Variants in COL25A1 observed in about 807,000 individuals in gnomAD.
COL25A1 encodes collagen type XXV alpha 1 chain, also known as collagen alpha-1(XXV) chain.
A neutral mutation model predicts 128.4 loss-of-function variants in COL25A1; 103 were observed. The observed-to-expected ratio is 0.80, with a 90% CI of 0.68 to 0.94. The LOEUF (loss-of-function observed/expected upper bound fraction) is 0.94. Ranked by LOEUF, COL25A1 falls within the 40% of genes least tolerant of loss-of-function variation. COL25A1 has a pLI of 0.00. For synonymous variants in COL25A1, 279 were observed against 277.2 expected, an observed-to-expected ratio of 1.01 and a Z score of -0.06; for missense variants, 745 against 840.0, an observed-to-expected ratio of 0.89 and a Z score of 1.40.
chr4:109,251,603 T>G (rs1422612284), intron 3 of COL25A1, among the ~76,000 whole-genome samples: 1 of 152,178 alleles, frequency 6.6e-6, no homozygotes, highest in African/African-American at 2.4e-5. Flanking sequence ...GCATGAGGAA[T>G]CTAAAGTGGC....
chr4:108,820,740 C>G (rs1452771676), intron 35 of COL25A1, among the ~76,000 whole-genome samples: 1 of 150,546 alleles, frequency 6.6e-6, no homozygotes, highest in Non-Finnish European at 1.5e-5. Flanking sequence ...AAAATCTGTT[C>G]AGGAGAGGAA....
chr4:108,834,113 A>G (rs753776605), intron 31 of COL25A1, among the ~76,000 whole-genome samples: 2 of 152,226 alleles, frequency 1.3e-5, no homozygotes, highest in Non-Finnish European at 2.9e-5. Flanking sequence ...CAAATTATCC[A>G]GACTTGAACA....
intron 3 of COL25A1, among the ~76,000 whole-genome samples, chr4:109,255,400 A>C (rs1781005440): frequency 6.6e-6 from 1 of 152,182 alleles, no homozygotes; most frequent in Non-Finnish European, 1.5e-5. Context: ...TGCAAAGCTC[A>C]CAGGCCTTGT....
At chr4:108,817,339 G>A (rs943371323) in intron 37 of COL25A1, 58 bp downstream of exon 37, 50 of 1,505,126 alleles carry the variant, frequency 3.3e-5, no homozygotes, top group Non-Finnish European at 4.5e-5. Context: ...GAAAAGGCTA[G>A]TCCAGGTTAA....
chr4:109,205,370 T>C (rs932362370), intron 3 of COL25A1, among the ~76,000 whole-genome samples: 2 of 152,132 alleles, frequency 1.3e-5, no homozygotes, highest in South Asian at 2.1e-4. Flanking sequence ...AAAGACTACG[T>C]TTCCCAGCCT....
intron 19 of COL25A1, among the ~76,000 whole-genome samples, chr4:108,877,045 AT>A (rs1739534091): frequency 6.6e-6 from 1 of 152,218 alleles, no homozygotes; most frequent in Non-Finnish European, 1.5e-5. Flanking sequence ...AATGCTATTA[AT>A]TCAGGATAAA....
chr4:109,221,446 TCA>T (rs1336511447), intron 3 of COL25A1, among the ~76,000 whole-genome samples: 1 of 152,178 alleles, frequency 6.6e-6, no homozygotes, highest in African/African-American at 2.4e-5. Context: ...ATGGATGAAA[TCA>T]CAGTTACTGT....
At chr4:108,852,198 T>C (rs1217233990) in intron 26 of COL25A1, 38 bp downstream of exon 26, 1 of 1,512,846 alleles carries the variant, frequency 6.6e-7, no homozygotes, top group Admixed American at 1.7e-5. Flanking sequence ...TTCCCTGCAC[T>C]GTATGTGATA....
chr4:109,230,126 G>A (rs1191210725), intron 3 of COL25A1, among the ~76,000 whole-genome samples: 3 of 152,064 alleles, frequency 2.0e-5, no homozygotes, highest in South Asian at 4.1e-4. Context: ...ACCTCCCACC[G>A]GGCCCCACCT....
At chr4:109,145,514 T>G (rs1410539758) in intron 3 of COL25A1, among the ~76,000 whole-genome samples, 1 of 152,178 alleles carries the variant, frequency 6.6e-6, no homozygotes, top group Non-Finnish European at 1.5e-5. Flanking sequence ...TTTGACAAGG[T>G]CAAATACTAA....
chr4:109,128,288 T>A (rs888056546), intron 3 of COL25A1, among the ~76,000 whole-genome samples: 2 of 152,162 alleles, frequency 1.3e-5, no homozygotes, highest in Non-Finnish European at 2.9e-5. Context: ...CTGGCCACCA[T>A]TCCTTGTTCA....
At chr4:109,019,353 C>G (rs13132551) in intron 5 of COL25A1, among the ~76,000 whole-genome samples, 1 of 117,376 alleles carries the variant, frequency 8.5e-6, no homozygotes, top group East Asian at 2.2e-4. Context: ...CACACATACA[C>G]ACACACACAC....
At chr4:109,273,853 A>G (rs1316394391) in intron 3 of COL25A1, among the ~76,000 whole-genome samples, 2 of 152,214 alleles carry the variant, frequency 1.3e-5, no homozygotes, top group Non-Finnish European at 2.9e-5. Flanking sequence ...ATTGCTTGGA[A>G]TTAAATAAGA....
intron 6 of COL25A1, among the ~76,000 whole-genome samples, chr4:108,983,275 A>G (rs1753208614): frequency 6.6e-6 from 1 of 152,184 alleles, no homozygotes; most frequent in African/African-American, 2.4e-5. Flanking sequence ...TTGTCGAAAG[A>G]AAGTATCAAC....
intron 3 of COL25A1, among the ~76,000 whole-genome samples, chr4:109,129,910 G>A (rs932663126): frequency 2.0e-5 from 3 of 151,834 alleles, no homozygotes; most frequent in African/African-American, 7.3e-5. Flanking sequence ...TAGATGACGA[G>A]TTAGTGGGTG....
intron 5 of COL25A1, among the ~76,000 whole-genome samples, chr4:109,014,000 T>G (rs1756965309): frequency 6.6e-6 from 1 of 152,106 alleles, no homozygotes; most frequent in Admixed American, 6.5e-5. Flanking sequence ...TTTGAACTAC[T>G]GCAAACTCAG....
chr4:109,195,787 G>C (rs1214505721), intron 3 of COL25A1, among the ~76,000 whole-genome samples: 1 of 152,080 alleles, frequency 6.6e-6, no homozygotes, highest in Non-Finnish European at 1.5e-5. Context: ...CATCCACCAA[G>C]AAGCAGTCAA....
intron 8 of COL25A1, among the ~76,000 whole-genome samples, chr4:108,966,538 T>A (rs1001633035): frequency 1.3e-5 from 2 of 151,876 alleles, no homozygotes. Context: ...TCAATCCTCA[T>A]CAGAAAAATA....
rs116129121 is a variant in COL25A1, at chr4:108,937,987, A to T, written c.673-144T>A. On this transcript the variant is annotated intron_variant, in intron 10 of 37. Transcript: ENST00000399132. ...ATAGAGGAATGTAGCACATTAAAAG[A>T]GAGCTAATTTCCCTTCTACAAATAA... 7.1e-4 allele frequency: 428 copies of T among 605,406 alleles called. 2 individuals carry two copies. In the African/African-American group the frequency reaches 7.3e-3, roughly 10 times the overall value. The allele number at this position is 605,406 out of a possible 1,614,324, so 37.5% of individuals were successfully genotyped here.
Sources: allele counts gnomAD v4.1 joint callset (sites outside exome capture counted in the v4.1 genomes callset), GRCh38; gene constraint gnomAD v4.1.1; transcripts MANE v1.5; gene names NCBI Gene and HGNC (gene_info 2026-07-23, HGNC 2026-07-21).